SYNJ2BP: variants seen among roughly 807,000 people sequenced by gnomAD.
SYNJ2BP encodes the protein synaptojanin-2-binding protein.
SYNJ2BP carries 10 observed loss-of-function variants against 16.9 expected under a neutral mutation model. That is an observed-to-expected ratio of 0.59 (90% CI 0.36 to 1.00). SYNJ2BP has a LOEUF of 1.00. Ranked by LOEUF, SYNJ2BP falls within the 50% of genes least tolerant of loss-of-function variation. SYNJ2BP has a pLI of 0.01. For synonymous variants in SYNJ2BP, 54 were observed against 68.4 expected (o/e 0.79, Z 1.04); for missense variants, 162 against 186.7 (o/e 0.87, Z 0.77).
chr14:70,410,959 T>G (rs1888459628), intron 1 of SYNJ2BP, among the ~76,000 whole-genome samples: 1 of 152,128 alleles, frequency 6.6e-6, no homozygotes, highest in Non-Finnish European at 1.5e-5. Flanking sequence ...CACATGACAC[T>G]GTTTACCTAT....
intron 2 of SYNJ2BP, among the ~76,000 whole-genome samples, chr14:70,380,705 TATATTA>T (rs1463766212): frequency 6.6e-6 from 1 of 151,834 alleles, no homozygotes; most frequent in Non-Finnish European, 1.5e-5. Context: ...AAGGTATTTA[TATATTA>T]ATATTACTAT....
At chr14:70,375,265 G>A (rs542464650) in intron 3 of SYNJ2BP, among the ~76,000 whole-genome samples, 1 of 144,660 alleles carries the variant, frequency 6.9e-6, no homozygotes, top group Non-Finnish European at 1.5e-5. Context: ...ATAGTGGTAT[G>A]ATCTTGGCTC....
In SYNJ2BP at chr14:70,374,469, C is replaced by G. The variant is rs572437682; in HGVS notation, c.297+1207G>C. Among the ~76,000 whole-genome samples, 4 of 152,278 alleles carry G rather than the reference C, an allele frequency of 2.6e-5. No individual in the cohort carries two copies. The East Asian group carries it at 7.7e-4, about 29-fold the overall frequency. Reference sequence around the variant, plus strand: ...AAGAGTGCACCTATTTAAGAAGTAGCAAATTGATTTAATTTAAAGGCACAT... The same window carrying G: ...AAGAGTGCACCTATTTAAGAAGTAGGAAATTGATTTAATTTAAAGGCACAT... On this transcript the variant is annotated intron_variant, in intron 3 of 3. Coordinates refer to ENST00000256366, the MANE Select transcript of SYNJ2BP (RefSeq NM_018373.3).
chr14:70,415,286 C>G (rs1043345914), intron 1 of SYNJ2BP, among the ~76,000 whole-genome samples: 5 of 150,588 alleles, frequency 3.3e-5, no homozygotes, highest in African/African-American at 9.8e-5. Context: ...GGCTCACACC[C>G]GTAATCCCAG....
intron 1 of SYNJ2BP, among the ~76,000 whole-genome samples, chr14:70,389,985 A>G (rs1887945549): frequency 6.6e-6 from 1 of 152,326 alleles, no homozygotes; most frequent in Non-Finnish European, 1.5e-5. Context: ...AGATAATACT[A>G]TATCATACAC....
intron 1 of SYNJ2BP, among the ~76,000 whole-genome samples, chr14:70,406,107 T>C (rs1464066402): frequency 6.6e-6 from 1 of 152,196 alleles, no homozygotes; most frequent in Non-Finnish European, 1.5e-5. Context: ...GTATTAGGCT[T>C]ATATGTTAAA....
At chr14:70,412,552 A>ATATATATGTATGTGTAGTATATATACAG (rs1566626386) in intron 1 of SYNJ2BP, among the ~76,000 whole-genome samples, 2 of 74,828 alleles carry the variant, frequency 2.7e-5, no homozygotes, top group African/African-American at 7.3e-5. Flanking sequence ...TATATACAGT[A>ATATATATGTATGTGTAGTATATATACAG]TATATATGTA....
chr14:70,416,782 A>C (rs1888620221), intron 1 of SYNJ2BP, 118 bp downstream of exon 1: 2 of 1,471,412 alleles, frequency 1.4e-6, no homozygotes, highest in Admixed American at 2.0e-5. Context: ...CGTTGCACGA[A>C]ACCTCTAGGT....
intron 1 of SYNJ2BP, among the ~76,000 whole-genome samples, chr14:70,396,794 G>A (rs1267234144): frequency 6.6e-6 from 1 of 152,044 alleles, no homozygotes; most frequent in African/African-American, 2.4e-5. Context: ...ACCTTCTTTG[G>A]AGAAATGTCT....
chr14:70,383,905 C>A lies in SYNJ2BP; in HGVS notation c.201+4565G>T, dbSNP rs929664709. Reference sequence around the variant, plus strand: ...AAATTTTTCTTTCTTAAGTTTAAATCATCTACAGTGATCATAAAAAATGAA... The same window carrying A: ...AAATTTTTCTTTCTTAAGTTTAAATAATCTACAGTGATCATAAAAAATGAA... On this transcript the variant is annotated intron_variant, in intron 2 of 3. Transcript: ENST00000256366. Among the ~76,000 whole-genome samples the A allele has an allele frequency of 2.0e-5, 3 of 151,790 alleles. No individual in the cohort carries two copies. The South Asian group carries it at 6.2e-4, about 32-fold the overall frequency.
chr14:70,412,067 CA>C (rs1888484661), intron 1 of SYNJ2BP, among the ~76,000 whole-genome samples: 1 of 152,306 alleles, frequency 6.6e-6, no homozygotes, highest in South Asian at 2.1e-4. Flanking sequence ...GACAGGTCTA[CA>C]AGGCTTAAAT....
At chr14:70,376,966 C>G (rs534880867) in intron 2 of SYNJ2BP, among the ~76,000 whole-genome samples, 2 of 152,200 alleles carry the variant, frequency 1.3e-5, no homozygotes, top group South Asian at 4.1e-4. Context: ...CTTGCCAATA[C>G]AGTTGGTGAA....
At chr14:70,382,369 CTCAT>C (rs1887770676) in intron 2 of SYNJ2BP, among the ~76,000 whole-genome samples, 1 of 152,202 alleles carries the variant, frequency 6.6e-6, no homozygotes, top group African/African-American at 2.4e-5. Context: ...CACACACACA[CTCAT>C]TTGACGAATA....
chr14:70,388,244 ACTTCACATTCTGGG>A (rs1887903199), intron 2 of SYNJ2BP, among the ~76,000 whole-genome samples: 1 of 152,214 alleles, frequency 6.6e-6, no homozygotes, highest in Non-Finnish European at 1.5e-5. Context: ...TGAACAAGTA[ACTTCACATTCTGGG>A]CTTCACATTC....
At chr14:70,413,524 A>C (rs1035453363) in intron 1 of SYNJ2BP, among the ~76,000 whole-genome samples, 36 of 152,358 alleles carry the variant, frequency 2.4e-4, no homozygotes, top group Non-Finnish European at 5.1e-4. Flanking sequence ...CTGTAATCCC[A>C]GCTACACAGG....
At chr14:70,394,447 CTG>C (rs1399877345) in intron 1 of SYNJ2BP, among the ~76,000 whole-genome samples, 1 of 145,516 alleles carries the variant, frequency 6.9e-6, no homozygotes, top group Non-Finnish European at 1.5e-5. Flanking sequence ...AGAAAAAAGA[CTG>C]GGATTCAACT....
chr14:70,390,569 G>A (rs1887958309), intron 1 of SYNJ2BP, among the ~76,000 whole-genome samples: 1 of 152,060 alleles, frequency 6.6e-6, no homozygotes, highest in Non-Finnish European at 1.5e-5. Context: ...TCGGGAGGCT[G>A]AGGCAGGAGA....
chr14:70,398,165 C>T (rs967884249), intron 1 of SYNJ2BP, among the ~76,000 whole-genome samples: 1 of 152,134 alleles, frequency 6.6e-6, no homozygotes, highest in Non-Finnish European at 1.5e-5. Flanking sequence ...GAACCTGGGG[C>T]ATTTATGGGC....
At chr14:70,385,037 C>T (rs193010118) in intron 2 of SYNJ2BP, among the ~76,000 whole-genome samples, 2 of 152,254 alleles carry the variant, frequency 1.3e-5, no homozygotes, top group Admixed American at 1.3e-4. Context: ...TTCCTTGTAA[C>T]ATATCTTTGT....
Sources: allele counts gnomAD v4.1 joint callset (sites outside exome capture counted in the v4.1 genomes callset), GRCh38; gene constraint gnomAD v4.1.1; transcripts MANE v1.5; gene names NCBI Gene and HGNC (gene_info 2026-07-23, HGNC 2026-07-21).